NHS: variants seen among roughly 807,000 people sequenced by gnomAD.
NHS encodes NHS actin remodeling regulator.
NHS carries 5 observed loss-of-function variants against 72.5 expected under a neutral mutation model. That is an observed-to-expected ratio of 0.07 (90% CI 0.04 to 0.14). The LOEUF (loss-of-function observed/expected upper bound fraction) is 0.14. NHS is among the 10% of genes least tolerant of loss of function. NHS has a pLI of 1.00. For missense variants in NHS, 1,072 were observed against 1,355.7 expected, an observed-to-expected ratio of 0.79 and a Z score of 3.29; for synonymous variants, 464 against 547.7, an observed-to-expected ratio of 0.85 and a Z score of 2.13.
intron 1 of NHS, among the ~76,000 whole-genome samples, chrX:17,515,977 C>T (rs1209231412): frequency 2.8e-5 from 3 of 106,640 alleles, no homozygotes; most frequent in Non-Finnish European, 5.8e-5. Context: ...CCTGGTCCAG[C>T]GTAGAAATGG....
intron 3 of NHS, among the ~76,000 whole-genome samples, chrX:17,708,354 CA>C (rs2066308414): frequency 9.0e-6 from 1 of 111,689 alleles, no homozygotes; most frequent in African/African-American, 3.3e-5. Context: ...TCAGCCAACC[CA>C]AACTACACAT....
chrX:17,519,443 C>T (rs1294794278), intron 1 of NHS, among the ~76,000 whole-genome samples: 1 of 111,757 alleles, frequency 8.9e-6, no homozygotes, highest in African/African-American at 3.3e-5. Context: ...CATTGTTTTG[C>T]GGCCCATTTT....
chrX:17,403,476 T>C (rs2064512565), intron 1 of NHS, among the ~76,000 whole-genome samples: 1 of 111,626 alleles, frequency 9.0e-6, no homozygotes, highest in Non-Finnish European at 1.9e-5. Context: ...TGGTGGAACA[T>C]TCATAGGTTG....
intron 1 of NHS, among the ~76,000 whole-genome samples, chrX:17,400,862 T>A (rs1478480800): frequency 1.8e-5 from 2 of 111,662 alleles, no homozygotes; most frequent in Non-Finnish European, 3.8e-5. Context: ...CCAGCTGACT[T>A]TTTTGCAGTA....
At chrX:17,717,968 T>TA (rs2066374267) in intron 3 of NHS, among the ~76,000 whole-genome samples, 2 of 111,944 alleles carry the variant, frequency 1.8e-5, no homozygotes, top group African/African-American at 6.5e-5. Context: ...ATAACAAAGT[T>TA]ACAGTTTGCA....
intron 1 of NHS, among the ~76,000 whole-genome samples, chrX:17,386,740 C>G (rs2064412675): frequency 9.2e-6 from 1 of 108,483 alleles, no homozygotes; most frequent in Non-Finnish European, 1.9e-5. Context: ...CATTGCATGA[C>G]ACTGTTGGTG....
chrX:17,607,320 C>T (rs905116809), intron 1 of NHS, among the ~76,000 whole-genome samples: 1 of 111,836 alleles, frequency 8.9e-6, no homozygotes, highest in Admixed American at 9.5e-5. Context: ...TACCAAGCAT[C>T]TCCTCTTAAG....
At chrX:17,560,879 G>A (rs1188099488) in intron 1 of NHS, among the ~76,000 whole-genome samples, 2 of 112,447 alleles carry the variant, frequency 1.8e-5, no homozygotes, top group South Asian at 3.7e-4. Flanking sequence ...ACAAGCAAAC[G>A]GTCCCACCCA....
intron 1 of NHS, among the ~76,000 whole-genome samples, chrX:17,498,690 T>C (rs1402299595): frequency 1.8e-5 from 2 of 111,530 alleles, no homozygotes; most frequent in African/African-American, 3.3e-5. Context: ...AAAAACAAGA[T>C]GCTCAGCCCA....
intron 1 of NHS, among the ~76,000 whole-genome samples, chrX:17,567,487 A>G (rs1178285429): frequency 8.9e-6 from 1 of 111,775 alleles, no homozygotes; most frequent in Non-Finnish European, 1.9e-5. Context: ...TGTCTCATCC[A>G]TTCGAGAATG....
intron 1 of NHS, among the ~76,000 whole-genome samples, chrX:17,473,809 A>G (rs1034393809): frequency 1.8e-5 from 2 of 112,297 alleles, no homozygotes; most frequent in Non-Finnish European, 3.8e-5. Flanking sequence ...ACACATTATT[A>G]AACTTAATTT....
chrX:17,468,040 GTC>G (rs2064877274), intron 1 of NHS, among the ~76,000 whole-genome samples: 1 of 111,052 alleles, frequency 9.0e-6, no homozygotes, highest in Non-Finnish European at 1.9e-5. Context: ...GGAATGGGCT[GTC>G]TCTGCTTATA....
chrX:17,428,850 C>G (rs7473449), intron 1 of NHS, among the ~76,000 whole-genome samples: 1,658 of 111,084 alleles, frequency 0.015, 27 homozygotes, highest in East Asian at 0.044. Flanking sequence ...CTTTCTCTCT[C>G]TGTGTGTGTG....
intron 1 of NHS, among the ~76,000 whole-genome samples, chrX:17,624,042 A>C (rs1252418029): frequency 1.8e-5 from 2 of 113,153 alleles, no homozygotes; most frequent in Non-Finnish European, 3.7e-5. Context: ...TTGGCATAGC[A>C]TACTAAGGAG....
intron 1 of NHS, 54 bp downstream of exon 1, chrX:17,376,376 C>G: frequency 9.5e-7 from 1 of 1,056,763 alleles, no homozygotes; most frequent in Non-Finnish European, 1.3e-6. Context: ...GCCGCACCCT[C>G]GCGCCCTCCC....
At chrX:17,557,196 A>C (rs61603888) in intron 1 of NHS, 45,723 of 101,158 alleles carry the variant, frequency 0.45, 10,538 homozygotes, top group African/African-American at 0.84. Context: ...TCTGATGGTT[A>C]CCTTGGCAGT....
intron 1 of NHS, among the ~76,000 whole-genome samples, chrX:17,616,144 C>T (rs754229152): frequency 8.9e-6 from 1 of 112,206 alleles, no homozygotes; most frequent in South Asian, 3.8e-4. Context: ...GCATTTGCTG[C>T]TGTAAGGATG....
intron 1 of NHS, among the ~76,000 whole-genome samples, chrX:17,650,171 C>T (rs962558440): frequency 1.8e-5 from 2 of 112,732 alleles, no homozygotes; most frequent in African/African-American, 3.2e-5. Context: ...CAAGGTCAGT[C>T]TGGGACCAAA....
At chrX:17,573,560 A>T (rs2065493769) in intron 1 of NHS, among the ~76,000 whole-genome samples, 1 of 109,875 alleles carries the variant, frequency 9.1e-6, no homozygotes, top group Non-Finnish European at 1.9e-5. Context: ...TACACTGTTT[A>T]TTCTAGTTAG....
Sources: gnomAD v4.1 joint callset for allele counts (sites outside exome capture counted in the v4.1 genomes callset) on GRCh38, gnomAD v4.1.1 for gene constraint, MANE v1.5 for transcripts, NCBI Gene and HGNC (gene_info 2026-07-23, HGNC 2026-07-21) for gene names.